The following IPO11 variants were observed in gnomAD, a reference collection of about 807,000 sequenced individuals.
IPO11 encodes importin-11.
IPO11 carries 66 observed loss-of-function variants against 143.2 expected under a neutral mutation model. The observed-to-expected ratio is 0.46, with a 90% confidence interval of 0.38 to 0.57. IPO11 has a LOEUF of 0.57. Ranked by LOEUF, IPO11 falls within the 20% of genes least tolerant of loss-of-function variation. The pLI is 0.00. For synonymous variants in IPO11, 385 were observed against 377.8 expected (o/e 1.02, Z -0.22); for missense variants, 1,026 against 1,141.0 (o/e 0.90, Z 1.45).
intron 1 of IPO11, among the ~76,000 whole-genome samples, chr5:62,430,793 T>C (rs563468761): frequency 1.0e-3 from 157 of 151,596 alleles, no homozygotes; most frequent in African/African-American, 3.6e-3. Flanking sequence ...TTCCCCTGCC[T>C]CAGCCTCCCG....
At chr5:62,525,390 T>G (rs1278315115) in intron 20 of IPO11, among the ~76,000 whole-genome samples, 1 of 148,374 alleles carries the variant, frequency 6.7e-6, no homozygotes, top group African/African-American at 2.5e-5. Context: ...GTGTGTGAGG[T>G]GAGGAGGTCG....
intron 3 of IPO11, among the ~76,000 whole-genome samples, chr5:62,447,410 T>C (rs1049033809): frequency 2.6e-5 from 4 of 152,166 alleles, no homozygotes; most frequent in Non-Finnish European, 5.9e-5. Flanking sequence ...CCAGCCTATT[T>C]ATGAAATTTT....
chr5:62,473,351 G>A (rs1012888652), intron 7 of IPO11, among the ~76,000 whole-genome samples: 6 of 152,102 alleles, frequency 3.9e-5, no homozygotes, highest in African/African-American at 1.4e-4. Context: ...TGCTTGAAAT[G>A]ACAGAGAGAA....
At chr5:62,498,995 A>C (rs1741249730) in intron 16 of IPO11, among the ~76,000 whole-genome samples, 1 of 152,250 alleles carries the variant, frequency 6.6e-6, no homozygotes, top group Admixed American at 6.5e-5. Flanking sequence ...TATGTAAGAT[A>C]TAAACTGTGG....
intron 7 of IPO11, among the ~76,000 whole-genome samples, chr5:62,471,623 C>T (rs1263839011): frequency 2.0e-5 from 3 of 152,054 alleles, no homozygotes; most frequent in Non-Finnish European, 4.4e-5. Flanking sequence ...ATTTACATGT[C>T]GTTTCCTTAC....
chr5:62,551,047 T>G, intron 25 of IPO11, among the ~76,000 whole-genome samples, 176 bp from the exon 26 acceptor site: 1 of 150,720 alleles, frequency 6.6e-6, no homozygotes, highest in East Asian at 1.9e-4. Context: ...ATGGTGCATA[T>G]AATTCATATA....
At chr5:62,433,742 A>C (rs1744073811) in intron 1 of IPO11, among the ~76,000 whole-genome samples, 1 of 152,218 alleles carries the variant, frequency 6.6e-6, no homozygotes, top group Non-Finnish European at 1.5e-5. Context: ...AGCAGATTCC[A>C]CTAGAACAGG....
At chr5:62,439,386 A>G (rs1198069830) in intron 2 of IPO11, among the ~76,000 whole-genome samples, 1 of 139,538 alleles carries the variant, frequency 7.2e-6, no homozygotes, top group East Asian at 2.1e-4. Flanking sequence ...TCCCAGGTTC[A>G]TGCCATTCTC....
chr5:62,460,274 A>G (rs114250684), intron 5 of IPO11, among the ~76,000 whole-genome samples: 3,261 of 152,244 alleles, frequency 0.021, 127 homozygotes, highest in African/African-American at 0.074. Context: ...TGTCTTACAA[A>G]TCTTTTAATT....
At chr5:62,516,551 C>T (rs1458547361) in intron 20 of IPO11, among the ~76,000 whole-genome samples, 1 of 152,122 alleles carries the variant, frequency 6.6e-6, no homozygotes, top group Non-Finnish European at 1.5e-5. Context: ...ACCTCAGGCT[C>T]CCAAAGTGCT....
chr5:62,440,944 C>A (rs1223374151), intron 2 of IPO11, among the ~76,000 whole-genome samples: 1 of 151,480 alleles, frequency 6.6e-6, no homozygotes, highest in African/African-American at 2.4e-5. Flanking sequence ...GTCAGTGCAA[C>A]GGGAGTGAGA....
intron 20 of IPO11, among the ~76,000 whole-genome samples, chr5:62,517,905 A>G (rs1007514750): frequency 5.9e-5 from 9 of 152,322 alleles, no homozygotes; most frequent in Non-Finnish European, 8.8e-5. Flanking sequence ...GCAAGGTTCA[A>G]ACAAGTAGTA....
chr5:62,591,678 T>C lies in IPO11; in HGVS notation c.2678+6T>C, dbSNP rs1162027522. On this transcript the variant is annotated splice_donor_region_variant and intron_variant, in intron 28 of 29. Transcript: ENST00000325324. ...GAAACAGGAACTTATAAAGAGTAGG[T>C]GCATTATTTAATTAATCATAATTGG... 2 of 1,569,672 alleles carry C rather than the reference T, an allele frequency of 1.3e-6. No homozygotes were observed. Among genetic ancestry groups the C allele is most frequent in the Non-Finnish European group, 1.7e-6 (2 of 1,152,730 alleles).
At position 62,515,493 on chromosome 5, in the gene IPO11, C is replaced by G; in HGVS notation, c.1888C>G (p.Leu630Val). ...RCAILTTLIH[L>V]VQGLGADSKN... The stretch of plus-strand genomic sequence containing the variant: ...TGCTATTTTGACAACACTTATTCAT[C>G]TTGTTCAGGTAAGTCACTTCTCCAC... The change falls in exon 20 of 30, where the codon CTT (leucine) becomes GTT (valine). Residue 630 changes from leucine (L) to valine (V), a missense_variant. Transcript: ENST00000325324. 2 of 1,595,908 alleles carry G rather than the reference C, an allele frequency of 1.3e-6. No homozygotes were observed. Among genetic ancestry groups the G allele is most frequent in the African/African-American group, 1.3e-5 (1 of 74,362 alleles).
At chr5:62,544,066 C>G (rs575783056) in intron 24 of IPO11, among the ~76,000 whole-genome samples, 12 of 151,990 alleles carry the variant, frequency 7.9e-5, no homozygotes, top group Admixed American at 7.9e-4. Context: ...AGTCTCCAAT[C>G]AATAGAAAAA....
intron 29 of IPO11, among the ~76,000 whole-genome samples, chr5:62,609,023 A>G (rs1477453375): frequency 6.6e-6 from 1 of 152,144 alleles, no homozygotes; most frequent in Admixed American, 6.5e-5. Context: ...TATGATTTTT[A>G]TTCAGAAAGT....
At chr5:62,581,687 T>C (rs964075929) in intron 27 of IPO11, among the ~76,000 whole-genome samples, 6 of 152,160 alleles carry the variant, frequency 3.9e-5, no homozygotes, top group Non-Finnish European at 5.9e-5. Flanking sequence ...TGACTAGAGT[T>C]CATGCTTTCA....
At chr5:62,515,292 CTG>C (rs1741976869) in intron 19 of IPO11, 94 bp from the exon 20 acceptor site, 12 of 655,894 alleles carry the variant, frequency 1.8e-5, no homozygotes, top group Non-Finnish European at 3.1e-5. Flanking sequence ...TAAATATGTG[CTG>C]TCTGGGACTT....
intron 24 of IPO11, among the ~76,000 whole-genome samples, chr5:62,542,026 C>T (rs1038504202): frequency 6.6e-6 from 1 of 152,030 alleles, no homozygotes; most frequent in African/African-American, 2.4e-5. Flanking sequence ...CAGCCTTCTG[C>T]ACAACATGAC....
Sources: allele counts gnomAD v4.1 joint callset (sites outside exome capture counted in the v4.1 genomes callset), GRCh38; gene constraint gnomAD v4.1.1; transcripts MANE v1.5; gene names NCBI Gene and HGNC (gene_info 2026-07-23, HGNC 2026-07-21).